Variants in TBL1XR1 observed in about 807,000 individuals in gnomAD.
TBL1XR1 encodes TBL1X/Y related 1.
Under a neutral mutation model 66.9 loss-of-function variants are expected in TBL1XR1, and 5 were observed. That is an observed-to-expected ratio of 0.07 (90% CI 0.04 to 0.16). The LOEUF is 0.16. Among genes scored for constraint, TBL1XR1 ranks in the 10% least tolerant of loss-of-function variants. TBL1XR1 has a pLI of 1.00. For synonymous variants in TBL1XR1, 210 were observed against 206.0 expected, an observed-to-expected ratio of 1.02 and a Z score of -0.17; for missense variants, 238 against 623.2, an observed-to-expected ratio of 0.38 and a Z score of 6.58.
intron 1 of TBL1XR1, among the ~76,000 whole-genome samples, chr3:177,115,948 C>T (rs1172152714): frequency 6.6e-6 from 1 of 152,240 alleles, no homozygotes; most frequent in Admixed American, 6.5e-5. Context: ...CTCAGAAGTC[C>T]GCTAGGGAAG....
chr3:177,115,060 C>T (rs1342401021), intron 1 of TBL1XR1, among the ~76,000 whole-genome samples: 1 of 151,954 alleles, frequency 6.6e-6, no homozygotes, highest in Non-Finnish European at 1.5e-5. Context: ...CGGTCTACAT[C>T]CATATTGTCT....
At chr3:177,104,095 G>C (rs1448892775) in intron 1 of TBL1XR1, among the ~76,000 whole-genome samples, 1 of 143,784 alleles carries the variant, frequency 7.0e-6, no homozygotes, top group Non-Finnish European at 1.5e-5. Context: ...CAGCCTGGGT[G>C]ACAGAGCGAG....
At position 177,139,669 on chromosome 3, in the gene TBL1XR1, TA is replaced by T. The variant is rs5854743; in HGVS notation, c.-121-41129del. On this transcript the variant is annotated intron_variant, in intron 1 of 15. Coordinates refer to ENST00000457928, the MANE Select transcript of TBL1XR1 (RefSeq NM_024665.7). ...AAGCAAAAAAACCCAAAAATATAGTTAAAAAAAAAAAGAAAAAGAAAATTTG... is the reference window on the plus strand; with the variant it reads ...AAGCAAAAAAACCCAAAAATATAGTTAAAAAAAAAAGAAAAAGAAAATTTG... Among the ~76,000 whole-genome samples, 34 of 145,814 alleles carry T rather than the reference TA, an allele frequency of 2.3e-4. No homozygotes were observed. In the South Asian group the frequency reaches 2.8e-3, roughly 12 times the overall value.
chr3:177,118,407 G>A (rs1726568308), intron 1 of TBL1XR1, among the ~76,000 whole-genome samples: 1 of 152,030 alleles, frequency 6.6e-6, no homozygotes, highest in African/African-American at 2.4e-5. Context: ...TCTCATCAAA[G>A]CTAAAAGTGT....
chr3:177,063,703 C>T (rs1479683568), intron 3 of TBL1XR1, among the ~76,000 whole-genome samples: 2 of 152,158 alleles, frequency 1.3e-5, no homozygotes, highest in Non-Finnish European at 2.9e-5. Context: ...CAGTACCAGT[C>T]TACCAGTTTA....
intron 2 of TBL1XR1, among the ~76,000 whole-genome samples, chr3:177,088,078 G>C (rs1355953929): frequency 6.6e-6 from 1 of 152,110 alleles, no homozygotes; most frequent in Admixed American, 6.5e-5. Flanking sequence ...TTCCTGAATA[G>C]TGCCTACACT....
rs746988856 is a variant in TBL1XR1 at position 177,051,580 on chromosome 3, T to TGCAGCTGCG, written c.342_350dup (p.Ala116_Ala118dup). On this transcript the variant is annotated inframe_insertion, in exon 5 of 16. Coordinates refer to ENST00000457928, the MANE Select transcript of TBL1XR1 (RefSeq NM_024665.7). ...TTTTTGCAGATCCTTGTTGGCTGGC[T>TGCAGCTGCG]GCAGCTGCGGCAGCTGCAGCAGCTG... The TGCAGCTGCG allele has an allele frequency of 3.7e-6, 6 of 1,613,770 alleles. No homozygotes were observed. Among genetic ancestry groups the TGCAGCTGCG allele is most frequent in the Non-Finnish European group, 2.5e-6 (3 of 1,179,750 alleles).
chr3:177,121,912 T>A (rs1422090976), intron 1 of TBL1XR1, among the ~76,000 whole-genome samples: 1 of 151,856 alleles, frequency 6.6e-6, no homozygotes, highest in Non-Finnish European at 1.5e-5. Context: ...ACTGGAAACC[T>A]AGAATTACTA....
intron 1 of TBL1XR1, among the ~76,000 whole-genome samples, chr3:177,165,634 T>C (rs1468313301): frequency 6.6e-6 from 1 of 152,138 alleles, no homozygotes; most frequent in Non-Finnish European, 1.5e-5. Flanking sequence ...TGGAACAAAA[T>C]AGCCCAGAAT....
At position 177,057,322 on chromosome 3, in the gene TBL1XR1, C is replaced by G. The variant is rs533364780; in HGVS notation, c.59-3404G>C. On this transcript the variant is annotated intron_variant, in intron 3 of 15. Transcript: ENST00000457928. ...AGAATTTCTGTATGTGTGGCACTTA[C>G]CACACTGGTTATCAACTGTGTGGCT... is the stretch of plus-strand genomic sequence containing the variant. Among the ~76,000 whole-genome samples the G allele has an allele frequency of 1.1e-4, 16 of 152,308 alleles. No homozygotes were observed. In the East Asian group the frequency reaches 3.1e-3, roughly 29 times the overall value.
At chr3:177,102,113 C>T (rs1460473773) in intron 1 of TBL1XR1, among the ~76,000 whole-genome samples, 1 of 152,176 alleles carries the variant, frequency 6.6e-6, no homozygotes, top group South Asian at 2.1e-4. Context: ...TTTCGGTCAT[C>T]AGTGAGTCTC....
At position 177,096,868 on chromosome 3, in the gene TBL1XR1, G is replaced by C. The variant is rs572762570; in HGVS notation, c.-46+1598C>G. On this transcript the variant is annotated intron_variant, in intron 2 of 15. Transcript: ENST00000457928. ...TTTGTGCTAGGTAAAGCTTGGCTTG[G>C]GGGGTGGGGACATCTTATTTTCTTC... Among the ~76,000 whole-genome samples, 9 of 152,104 alleles carry C rather than the reference G, an allele frequency of 5.9e-5. No homozygotes were observed. The East Asian group carries it at 7.7e-4, about 13-fold the overall frequency.
chr3:177,051,602 G>C lies in TBL1XR1; in HGVS notation c.329C>G (p.Ala110Gly), dbSNP rs2108496895. The C allele has an allele frequency of 6.2e-7, 1 of 1,613,640 alleles. No homozygotes were observed. Among genetic ancestry groups the C allele is most frequent in the East Asian group, 2.2e-5 (1 of 44,838 alleles). The stretch of plus-strand genomic sequence containing the variant: ...GGCTGCAGCTGCGGCAGCTGCAGCA[G>C]CTGCTGCCTGTTGCTGTGCAAGCTT... ...RDKLAQQQAAAAAAAAAAASQ... is the reference protein window; with the variant it reads ...RDKLAQQQAAGAAAAAAAASQ... The change falls in exon 5 of 16, where the codon GCT (alanine) becomes GGT (glycine). Residue 110 changes from alanine (A) to glycine (G), a missense_variant. Around this residue, in one of 8 missense-constraint regions of TBL1XR1, gnomAD observed 80 missense variants for 100.5 expected, o/e 0.80. Transcript: ENST00000457928.
intron 2 of TBL1XR1, among the ~76,000 whole-genome samples, chr3:177,086,494 C>CA: frequency 6.6e-6 from 1 of 152,128 alleles, no homozygotes; most frequent in Admixed American, 6.5e-5. Context: ...CATACATACA[C>CA]AAGCTGTATG....
intron 3 of TBL1XR1, among the ~76,000 whole-genome samples, chr3:177,058,377 T>C (rs1211433281): frequency 1.3e-5 from 2 of 152,236 alleles, no homozygotes; most frequent in East Asian, 3.8e-4. Context: ...CTAGATCTAG[T>C]ACTGATACAC....
intron 2 of TBL1XR1, among the ~76,000 whole-genome samples, chr3:177,069,048 C>A (rs1033192792): frequency 6.6e-6 from 1 of 152,146 alleles, no homozygotes; most frequent in African/African-American, 2.4e-5. Flanking sequence ...AAAATAACAT[C>A]TTGGATGGCC....
chr3:177,192,398 C>CAAAAAA (rs759331999), intron 1 of TBL1XR1, among the ~76,000 whole-genome samples: 1 of 83,512 alleles, frequency 1.2e-5, no homozygotes, highest in East Asian at 2.7e-4. Context: ...GACTTTATCT[C>CAAAAAA]AAAAAAAAAA....
chr3:177,147,677 C>CA (rs1730420155), intron 1 of TBL1XR1, among the ~76,000 whole-genome samples: 1 of 152,054 alleles, frequency 6.6e-6, no homozygotes, highest in Non-Finnish European at 1.5e-5. Context: ...GGAAAATTAG[C>CA]AAAAATCATT....
chr3:177,125,329 T>C (rs1437779464), intron 1 of TBL1XR1, among the ~76,000 whole-genome samples: 1 of 151,780 alleles, frequency 6.6e-6, no homozygotes, highest in Non-Finnish European at 1.5e-5. Context: ...TCAGGAGAAA[T>C]GCAGAACAAA....
Sources: allele counts gnomAD v4.1 joint callset (sites outside exome capture counted in the v4.1 genomes callset), GRCh38; gene constraint gnomAD v4.1.1; regional missense constraint gnomAD v4.1.1; transcripts MANE v1.5; gene names NCBI Gene and HGNC (gene_info 2026-07-23, HGNC 2026-07-21).